Variants in MGAM observed in about 807,000 individuals in gnomAD.
MGAM encodes the protein maltase-glucoamylase.
In MGAM, 253 loss-of-function variants were observed where a neutral mutation model predicts 358.8. The observed-to-expected ratio is 0.71, with a 90% confidence interval of 0.64 to 0.78. The LOEUF is 0.78. Among genes scored for constraint, MGAM ranks in the 30% least tolerant of loss-of-function variants. The pLI is 0.00. For synonymous variants in MGAM, 1,105 were observed against 1,227.1 expected, an observed-to-expected ratio of 0.90 and a Z score of 2.08; for missense variants, 3,080 against 3,432.6, an observed-to-expected ratio of 0.90 and a Z score of 2.57.
In MGAM at chr7:142,045,188, A is replaced by T. The variant is rs1297636326; in HGVS notation, c.2499-2597A>T. On this transcript the variant is annotated intron_variant, in intron 21 of 70. Transcript: ENST00000475668. ...ATATATATATTATATAACATATATG[A>T]TATATAATATATATTATATAACATA... 4.3e-4 allele frequency among the ~76,000 whole-genome samples: 18 copies of T among 41,856 alleles called. 1 individual carries two copies. The highest frequency in any genetic ancestry group is 5.7e-4 in the African/African-American group (4 of 7,040). 27.5% of individuals were successfully genotyped at this position (41,856 alleles called of 152,430 possible).
chr7:142,008,710 G>A lies in MGAM; in HGVS notation c.327+5G>A, dbSNP rs1476543480. 1.9e-6 allele frequency: 3 copies of A among 1,607,552 alleles called. No homozygotes were observed. The highest frequency in any genetic ancestry group is 4.5e-5 in the East Asian group (2 of 44,804). On this transcript the variant is annotated splice_donor_5th_base_variant and intron_variant, in intron 3 of 70. Coordinates refer to ENST00000475668, the MANE Select transcript of MGAM (RefSeq NM_001365693.1). ...CCTGACCAGCCGCCAACAAAGGTTT[G>A]AGTTATGAATTTTGTTTCCATTTTA...
chr7:142,103,211 T>A, intron 69 of MGAM, 58 bp from the exon 70 acceptor site: 1 of 1,388,008 alleles, frequency 7.2e-7, no homozygotes. Context: ...TAAAAAGAGG[T>A]TAGAAAAATT....
chr7:142,044,599 CG>C (rs1809763963), intron 21 of MGAM, among the ~76,000 whole-genome samples: 2 of 124,418 alleles, frequency 1.6e-5, no homozygotes, highest in African/African-American at 5.9e-5. Context: ...ATTATATACA[CG>C]TGTAATATAT....
At chr7:142,079,786 C>T (rs1015952853) in intron 49 of MGAM, among the ~76,000 whole-genome samples, 2 of 145,962 alleles carry the variant, frequency 1.4e-5, no homozygotes, top group African/African-American at 4.9e-5. Flanking sequence ...TGTCACATTG[C>T]CTGAAAATTT....
At chr7:142,063,617 A>G (rs749955811) in intron 36 of MGAM, 31 bp downstream of exon 36, 4 of 1,605,860 alleles carry the variant, frequency 2.5e-6, no homozygotes, top group Non-Finnish European at 3.4e-6. Context: ...TGACTGGCAG[A>G]GCCATGACTG....
intron 42 of MGAM, among the ~76,000 whole-genome samples, chr7:142,067,725 A>T (rs73740254): frequency 0.057 from 7,961 of 138,832 alleles, 892 homozygotes; most frequent in African/African-American, 0.11. Context: ...AGAAGGTCAG[A>T]TGGGGGCAGT....
At chr7:142,025,850 C>T (rs10259614) in intron 8 of MGAM, among the ~76,000 whole-genome samples, 2 of 152,102 alleles carry the variant, frequency 1.3e-5, no homozygotes, top group Non-Finnish European at 2.9e-5. Context: ...AATGATCTAA[C>T]ATGATTCTAG....
chr7:142,030,339 G>A, intron 10 of MGAM, 23 bp from the exon 11 acceptor site: 1 of 1,609,712 alleles, frequency 6.2e-7, no homozygotes, highest in Non-Finnish European at 8.5e-7. Flanking sequence ...GGTGCTAATT[G>A]TGGACTTTGT....
At chr7:142,027,339 A>C in intron 9 of MGAM, 112 bp downstream of exon 9, 1 of 880,358 alleles carries the variant, frequency 1.1e-6, no homozygotes. Flanking sequence ...TACAAATTTG[A>C]GATATTAAAG....
rs574870049 is a variant in MGAM, at chr7:142,047,817, T to C, written c.2531T>C (p.Leu844Pro). ...AACCCTCTTGGTCTTATCATTGCCC[T>C]AGATGAGAACAAAGAAGCAAAAGGA... is the stretch of plus-strand genomic sequence containing the variant. ...RKNPLGLIIA[L>P]DENKEAKGEL... Residue 844 changes from leucine (L) to proline (P), a missense_variant, in exon 22 of 71, where the codon CTA (leucine) becomes CCA (proline). Leu to Pro is a moderately conservative substitution (Grantham distance 98). Coordinates refer to ENST00000475668, the MANE Select transcript of MGAM (RefSeq NM_001365693.1). 38 of 1,612,588 alleles carry C rather than the reference T, an allele frequency of 2.4e-5. 1 individual carries two copies. The South Asian group carries it at 3.5e-4, about 15-fold the overall frequency.
At position 142,056,891 on chromosome 7, in the gene MGAM, T is replaced by C. The variant is rs866798528; in HGVS notation, c.3642T>C (p.Phe1214=). The C allele has an allele frequency of 6.2e-6, 10 of 1,613,770 alleles. No homozygotes were observed. Among genetic ancestry groups the C allele is most frequent in the Non-Finnish European group, 7.6e-6 (9 of 1,179,860 alleles). The change falls in exon 30 of 71, where the codon TTT becomes TTC. Residue 1214 remains phenylalanine (F), a synonymous_variant. Transcript: ENST00000475668. ...TYRTTGGVLD[F]YVFLGPTPEL... ...GCACCACAGGGGGAGTTCTGGACTTTTATGTGTTCTTGGGGCCGACTCCAG... is the reference window on the plus strand; with the variant it reads ...GCACCACAGGGGGAGTTCTGGACTTCTATGTGTTCTTGGGGCCGACTCCAG...
chr7:142,045,912 A>AAT (rs1229814356), intron 21 of MGAM, among the ~76,000 whole-genome samples: 1 of 28,038 alleles, frequency 3.6e-5, no homozygotes, highest in Non-Finnish European at 8.3e-5. Context: ...TACAATATGT[A>AAT]ATATATATAT....
At chr7:142,002,527 T>G (rs1489967616) in intron 1 of MGAM, among the ~76,000 whole-genome samples, 1 of 151,912 alleles carries the variant, frequency 6.6e-6, no homozygotes, top group East Asian at 1.9e-4. Context: ...CAGCATTCCT[T>G]CATAAAAAAA....
chr7:142,028,562 T>C (rs914666118), intron 10 of MGAM, among the ~76,000 whole-genome samples: 1 of 152,158 alleles, frequency 6.6e-6, no homozygotes, highest in Non-Finnish European at 1.5e-5. Flanking sequence ...ATAATACAAG[T>C]TTCAGGTCCA....
chr7:142,067,972 ATATATATATATATATTTTTTT>A (rs1563191362), intron 42 of MGAM, among the ~76,000 whole-genome samples: 2 of 5,102 alleles, frequency 3.9e-4, no homozygotes, highest in African/African-American at 6.1e-4. Context: ...ATAAATATAT[ATATATATATATATATTTTTTT>A]TTTTTTTTTT....
At position 142,091,840 on chromosome 7, in the gene MGAM, C is replaced by A. The variant is rs1019947856; in HGVS notation, c.6811-73C>A. ...GCAGTTGAAGTATTTGTGCGAGTTG[C>A]ATTCTCAGTAAGTGCCTGTTTGCTG... On this transcript the variant is annotated intron_variant, in intron 57 of 70. Coordinates refer to ENST00000475668, the MANE Select transcript of MGAM (RefSeq NM_001365693.1). 14 of 1,351,630 alleles carry A rather than the reference C, an allele frequency of 1.0e-5. 1 individual carries two copies. In the African/African-American group the frequency reaches 1.6e-4, roughly 15 times the overall value. The allele number at this position is 1,351,630 out of a possible 1,614,324, so 83.7% of individuals were successfully genotyped here.
At chr7:142,052,754 C>G in intron 25 of MGAM, 30 bp from the exon 26 acceptor site, 1 of 1,611,140 alleles carries the variant, frequency 6.2e-7, no homozygotes, top group African/African-American at 1.3e-5. Context: ...ACATGCTGTG[C>G]TGATCTATGA....
rs565643738 is a variant in MGAM at position 142,091,542 on chromosome 7, T to C, written c.6811-371T>C. ...GGTGTTTCTTCCTAACCTATTACCA[T>C]GCATCTCATGTCTGCAGTCTCTCCC... On this transcript the variant is annotated intron_variant, in intron 57 of 70. Coordinates refer to ENST00000475668, the MANE Select transcript of MGAM (RefSeq NM_001365693.1). 1.7e-4 allele frequency among the ~76,000 whole-genome samples: 25 copies of C among 146,054 alleles called. 4 individuals carry two copies. The South Asian group carries it at 4.9e-3, about 28-fold the overall frequency.
chr7:142,069,752 C>A lies in MGAM; in HGVS notation c.5061+1049C>A, dbSNP rs183068776. 5.1e-4 allele frequency among the ~76,000 whole-genome samples: 74 copies of A among 145,722 alleles called. 12 individuals carry two copies. The highest frequency in any genetic ancestry group is 1.1e-3 in the South Asian group (5 of 4,566). On this transcript the variant is annotated intron_variant, in intron 43 of 70. Coordinates refer to ENST00000475668, the MANE Select transcript of MGAM (RefSeq NM_001365693.1). ...CTCTGCTATGTGTGTCCCAGCCAGG[C>A]GTTTCCCAGGAAGAGGTGGCCAGCT...
Sources: gnomAD v4.1 joint callset for allele counts (sites outside exome capture counted in the v4.1 genomes callset) on GRCh38, gnomAD v4.1.1 for gene constraint, MANE v1.5 for transcripts, NCBI Gene and HGNC (gene_info 2026-07-23, HGNC 2026-07-21) for gene names.